The following DNAH14 variants were observed in gnomAD, a reference collection of about 807,000 sequenced individuals.
The protein encoded by DNAH14 is axonemal beta dynein heavy chain 14.
A neutral mutation model predicts 520.9 loss-of-function variants in DNAH14; 478 were observed. The observed-to-expected ratio is 0.92, with a 90% CI of 0.85 to 0.99. The LOEUF (loss-of-function observed/expected upper bound fraction) is 0.99. DNAH14 is among the 50% of genes least tolerant of loss of function. DNAH14 has a pLI of 0.00. For synonymous variants in DNAH14, 1,581 were observed against 1,757.2 expected (o/e 0.90, Z 2.51); for missense variants, 4,831 against 5,234.5 (o/e 0.92, Z 2.38).
intron 21 of DNAH14, among the ~76,000 whole-genome samples, chr1:225,090,940 C>T (rs1243714604): frequency 6.6e-6 from 1 of 151,934 alleles, no homozygotes. Flanking sequence ...AAATATAAAC[C>T]AGAGACTGGG....
At chr1:225,184,888 A>AT (rs2084496911) in intron 36 of DNAH14, among the ~76,000 whole-genome samples, 1 of 152,122 alleles carries the variant, frequency 6.6e-6, no homozygotes, top group African/African-American at 2.4e-5. Flanking sequence ...ACTCTTATGC[A>AT]TTATAGTACG....
At chr1:225,384,164 G>A (rs1488287688) in intron 81 of DNAH14, among the ~76,000 whole-genome samples, 3 of 152,146 alleles carry the variant, frequency 2.0e-5, no homozygotes. Flanking sequence ...CAACTATGTT[G>A]TCAATTTTGG....
intron 75 of DNAH14, 77 bp from the exon 76 acceptor site, chr1:225,364,715 G>T: frequency 1.9e-6 from 2 of 1,079,316 alleles, no homozygotes; most frequent in Non-Finnish European, 2.6e-6. Flanking sequence ...ACTTCAAACA[G>T]TGAAATGCTA....
chr1:225,170,981 A>T (rs1314248398), intron 36 of DNAH14, among the ~76,000 whole-genome samples: 1 of 152,230 alleles, frequency 6.6e-6, no homozygotes, highest in Non-Finnish European at 1.5e-5. Flanking sequence ...AAAACTGCTC[A>T]ACTACATGGA....
chr1:225,222,354 C>CTT (rs2090121249), intron 41 of DNAH14, among the ~76,000 whole-genome samples: 1 of 152,040 alleles, frequency 6.6e-6, no homozygotes, highest in Non-Finnish European at 1.5e-5. Flanking sequence ...TGGTTTCTTC[C>CTT]AGTGGGTTCA....
chr1:225,043,853 T>C, intron 14 of DNAH14, 33 bp from the exon 15 acceptor site: 1 of 1,477,186 alleles, frequency 6.8e-7, no homozygotes. Flanking sequence ...ATTATATTCC[T>C]CTGAAATATG....
chr1:225,008,605 T>G lies in DNAH14; in HGVS notation c.1107+1061T>G, dbSNP rs1558665708. On this transcript the variant is annotated intron_variant, in intron 10 of 85. Coordinates refer to ENST00000682510, the MANE Select transcript of DNAH14 (RefSeq NM_001367479.1). ...TTTTTTTTTTTTTTTTTTTGTATTT[T>G]TAGTAGAGACAGGGTTTCACTGTGT... Among the ~76,000 whole-genome samples the G allele has an allele frequency of 4.1e-5, 6 of 146,612 alleles. No homozygotes were observed. The East Asian group carries it at 1.2e-3, about 30-fold the overall frequency.
intron 44 of DNAH14, among the ~76,000 whole-genome samples, chr1:225,256,490 A>G (rs2092741020): frequency 6.6e-6 from 1 of 152,190 alleles, no homozygotes; most frequent in South Asian, 2.1e-4. Context: ...AAAAAGATGA[A>G]ATACAGAAAA....
intron 66 of DNAH14, among the ~76,000 whole-genome samples, chr1:225,334,884 ATG>A (rs1218533136): frequency 4.2e-3 from 595 of 143,148 alleles, no homozygotes; most frequent in Non-Finnish European, 6.4e-3. Context: ...CTACATATAT[ATG>A]TGTGTGTGTG....
intron 37 of DNAH14, among the ~76,000 whole-genome samples, chr1:225,191,342 T>G (rs556305231): frequency 6.6e-6 from 1 of 152,046 alleles, no homozygotes; most frequent in African/African-American, 2.4e-5. Context: ...TTGCTGCATA[T>G]AGAATTCTTG....
At chr1:225,120,188 G>A (rs1408236738) in intron 26 of DNAH14, among the ~76,000 whole-genome samples, 1 of 152,164 alleles carries the variant, frequency 6.6e-6, no homozygotes. Flanking sequence ...AGTACTGATT[G>A]GTCAGGTTGG....
intron 2 of DNAH14, chr1:224,954,704 G>T: frequency 7.8e-6 from 2 of 255,554 alleles, no homozygotes; most frequent in East Asian, 8.8e-5. Flanking sequence ...AATTTAACTA[G>T]ACTCTCCATG....
intron 10 of DNAH14, among the ~76,000 whole-genome samples, chr1:225,016,082 G>A (rs949347789): frequency 1.3e-5 from 2 of 152,184 alleles, no homozygotes; most frequent in Non-Finnish European, 2.9e-5. Flanking sequence ...TTTGGTGATT[G>A]TCTATTGTTT....
chr1:225,335,180 C>T lies in DNAH14; in HGVS notation c.10080+1674C>T, dbSNP rs1250866625. 8.7e-4 allele frequency among the ~76,000 whole-genome samples: 105 copies of T among 120,136 alleles called. 1 individual carries two copies. The South Asian group carries it at 0.02, about 23-fold the overall frequency. The allele number at this position is 120,136 out of a possible 152,430, so 78.8% of individuals were successfully genotyped here. A position where few individuals can be genotyped will look rare whatever the true frequency, so the allele number is the denominator to read the frequency against. On this transcript the variant is annotated intron_variant, in intron 66 of 85. Coordinates refer to ENST00000682510, the MANE Select transcript of DNAH14 (RefSeq NM_001367479.1). ...GTGCATGTGTGCATGTGTACATGTG[C>T]GCATGTGTGTATATATGCACACACG...
chr1:225,257,545 CTTT>C (rs980562680), intron 44 of DNAH14, among the ~76,000 whole-genome samples: 3 of 144,358 alleles, frequency 2.1e-5, no homozygotes, highest in African/African-American at 5.1e-5. Flanking sequence ...TTTTTTCTTT[CTTT>C]TTTTTTTTTG....
intron 84 of DNAH14, chr1:225,395,735 T>G (rs2096002772): frequency 6.6e-6 from 1 of 152,266 alleles, no homozygotes; most frequent in Non-Finnish European, 1.5e-5. Context: ...TTCTCACAGT[T>G]TCTGGTCCAC....
chr1:225,158,749 C>T (rs2081271988), intron 34 of DNAH14, among the ~76,000 whole-genome samples: 1 of 152,154 alleles, frequency 6.6e-6, no homozygotes, highest in Non-Finnish European at 1.5e-5. Flanking sequence ...TTCACAGAGT[C>T]CATTTTGCTG....
rs184101506 is a variant in DNAH14 at position 225,197,597 on chromosome 1, C to T, written c.5886+4686C>T. ...GTGAAGAATGATAGTGGTATTTTGACGGAAATTGTGTTGAATTTGTAGATT... is the reference window on the plus strand; with the variant it reads ...GTGAAGAATGATAGTGGTATTTTGATGGAAATTGTGTTGAATTTGTAGATT... On this transcript the variant is annotated intron_variant, in intron 38 of 85. Transcript: ENST00000682510. 1.9e-3 allele frequency among the ~76,000 whole-genome samples: 285 copies of T among 151,998 alleles called. 1 individual carries two copies. Among genetic ancestry groups the T allele is most frequent in the Non-Finnish European group, 3.0e-3 (207 of 67,958 alleles).
chr1:224,960,030 C>T, intron 3 of DNAH14, 123 bp from the exon 4 acceptor site: 1 of 924,492 alleles, frequency 1.1e-6, no homozygotes, highest in Non-Finnish European at 1.5e-6. Flanking sequence ...TCAGCCTGTG[C>T]TCTTAACTAC....
Sources: gnomAD v4.1 joint callset for allele counts (sites outside exome capture counted in the v4.1 genomes callset) on GRCh38, gnomAD v4.1.1 for gene constraint, MANE v1.5 for transcripts, NCBI Gene and HGNC (gene_info 2026-07-23, HGNC 2026-07-21) for gene names.